Variants in MAP4K3 observed in about 807,000 individuals in gnomAD.
The protein encoded by MAP4K3 is MAPK/ERK kinase kinase kinase 3.
MAP4K3 carries 94 observed loss-of-function variants against 143.5 expected under a neutral mutation model. That is an observed-to-expected ratio of 0.65 (90% CI 0.55 to 0.78). MAP4K3 has a LOEUF of 0.78. Ranked by LOEUF, MAP4K3 falls within the 30% of genes least tolerant of loss-of-function variation. The probability of loss-of-function intolerance (pLI) is 0.00; values close to 1 mark genes in which losing one functional copy is unlikely to be tolerated. For synonymous variants in MAP4K3, 416 were observed against 347.2 expected (o/e 1.20, Z -2.20); for missense variants, 1,077 against 1,068.1 (o/e 1.01, Z -0.12).
At chr2:39,261,242 T>A (rs897443976) in intron 28 of MAP4K3, 2 of 152,240 alleles carry the variant, frequency 1.3e-5, no homozygotes, top group African/African-American at 4.8e-5. Context: ...ACAGAAAAAG[T>A]CATAAATCAA....
chr2:39,356,408 CAATAA>C, intron 2 of MAP4K3, 69 bp from the exon 3 acceptor site: 3 of 824,348 alleles, frequency 3.6e-6, no homozygotes, highest in Non-Finnish European at 6.2e-6. Context: ...TTTCAAAACA[CAATAA>C]AATAATTATA....
chr2:39,301,120 T>A (rs1682494630), intron 15 of MAP4K3, among the ~76,000 whole-genome samples: 1 of 151,662 alleles, frequency 6.6e-6, no homozygotes, highest in Non-Finnish European at 1.5e-5. Context: ...ATTTAAATAT[T>A]CCAAGACCTG....
chr2:39,331,896 T>A (rs746669676), intron 8 of MAP4K3, 21 bp downstream of exon 8: 2 of 1,461,194 alleles, frequency 1.4e-6, no homozygotes, highest in African/African-American at 2.8e-5. Flanking sequence ...AAGTATTAAA[T>A]ATCAATTAAA....
chr2:39,362,642 A>T (rs1665802590), intron 2 of MAP4K3, among the ~76,000 whole-genome samples: 1 of 152,244 alleles, frequency 6.6e-6, no homozygotes, highest in Non-Finnish European at 1.5e-5. Flanking sequence ...CTACAAATTC[A>T]ATGTAATCTG....
At chr2:39,397,478 T>C (rs527978328) in intron 1 of MAP4K3, among the ~76,000 whole-genome samples, 15 of 152,278 alleles carry the variant, frequency 9.9e-5, no homozygotes, top group East Asian at 5.8e-4. Context: ...GAAAGTAGAA[T>C]TGAATGAAGA....
chr2:39,260,247 G>A (rs1175127011), intron 29 of MAP4K3, among the ~76,000 whole-genome samples: 1 of 152,084 alleles, frequency 6.6e-6, no homozygotes, highest in African/African-American at 2.4e-5. Context: ...CCTGGTAGGT[G>A]GGACTACAGG....
chr2:39,302,995 C>T (rs3770664), intron 15 of MAP4K3: 114,732 of 166,692 alleles, frequency 0.69, 43,305 homozygotes, highest in Non-Finnish European at 0.82. Context: ...CATGGAGCAC[C>T]GGAAAAGGAA....
At chr2:39,315,005 C>T (rs1683066947) in intron 13 of MAP4K3, among the ~76,000 whole-genome samples, 1 of 152,182 alleles carries the variant, frequency 6.6e-6, no homozygotes. Flanking sequence ...CTGCATTTAA[C>T]AAGCTCTCTA....
chr2:39,269,772 T>G (rs936986381), intron 26 of MAP4K3, among the ~76,000 whole-genome samples: 2 of 152,328 alleles, frequency 1.3e-5, no homozygotes, highest in South Asian at 4.1e-4. Flanking sequence ...GTTGAAACAC[T>G]GAACGACTAC....
intron 2 of MAP4K3, among the ~76,000 whole-genome samples, chr2:39,366,198 G>A (rs1264583122): frequency 1.4e-5 from 2 of 146,678 alleles, no homozygotes; most frequent in African/African-American, 2.5e-5. Flanking sequence ...AGGAAGACCT[G>A]AGGCATCAAT....
chr2:39,414,555 T>C (rs558763025), intron 1 of MAP4K3, among the ~76,000 whole-genome samples: 3 of 152,298 alleles, frequency 2.0e-5, no homozygotes, highest in African/African-American at 7.2e-5. Context: ...TCTGTCTGCC[T>C]ACTATGCCTC....
At chr2:39,282,611 T>A in intron 21 of MAP4K3, 57 bp from the exon 22 acceptor site, 2 of 1,130,122 alleles carry the variant, frequency 1.8e-6, no homozygotes, top group East Asian at 2.4e-5. Context: ...GATATAATAA[T>A]ACTGTATTTC....
intron 1 of MAP4K3, among the ~76,000 whole-genome samples, chr2:39,431,770 C>T (rs948156275): frequency 1.3e-5 from 2 of 152,174 alleles, no homozygotes; most frequent in Admixed American, 1.3e-4. Flanking sequence ...AATGACCACA[C>T]TTTTTTGTGT....
intron 4 of MAP4K3, among the ~76,000 whole-genome samples, chr2:39,341,030 T>C (rs939314670): frequency 2.6e-5 from 4 of 152,068 alleles, no homozygotes; most frequent in Non-Finnish European, 5.9e-5. Context: ...AATTGATAAT[T>C]GTCCAGATGT....
At chr2:39,306,865 C>A (rs961386253) in intron 15 of MAP4K3, among the ~76,000 whole-genome samples, 4 of 152,236 alleles carry the variant, frequency 2.6e-5, no homozygotes, top group African/African-American at 9.6e-5. Context: ...TTCTCCTTCT[C>A]TCATCTCTAC....
chr2:39,392,641 T>A (rs1032511373), intron 1 of MAP4K3, among the ~76,000 whole-genome samples: 10 of 152,182 alleles, frequency 6.6e-5, no homozygotes, highest in African/African-American at 2.4e-4. Flanking sequence ...CCTCAAAGCT[T>A]ATGTGTTGGA....
At position 39,325,597 on chromosome 2, in the gene MAP4K3, G is replaced by C; in HGVS notation, c.839C>G (p.Ser280Cys). The change falls in exon 12 of 34, where the codon TCT becomes TGT. Residue 280 changes from serine to cysteine, a missense_variant. Coordinates refer to ENST00000263881, the MANE Select transcript of MAP4K3 (RefSeq NM_003618.4). ...HPFVTQHLTR[S>C]LAIELLDKVN... ...TTTATCCAACAGCTCGATTGCCAAA[G>C]ACCGTGTCAAATGTTGTGTTACAAA... 1 of 1,613,182 alleles carries C rather than the reference G, an allele frequency of 6.2e-7. No individual in the cohort carries two copies. Among genetic ancestry groups the C allele is most frequent in the Non-Finnish European group, 8.5e-7 (1 of 1,179,634 alleles).
chr2:39,339,711 G>A (rs1665087624), intron 4 of MAP4K3, among the ~76,000 whole-genome samples: 1 of 152,040 alleles, frequency 6.6e-6, no homozygotes, highest in African/African-American at 2.4e-5. Flanking sequence ...GAGGAAACAT[G>A]CCTCCTCTTA....
chr2:39,415,936 G>C (rs1300606163), intron 1 of MAP4K3, among the ~76,000 whole-genome samples: 3 of 93,064 alleles, frequency 3.2e-5, no homozygotes, highest in East Asian at 3.4e-4. Flanking sequence ...CTGGGCGAGA[G>C]AGCAAGGCTC....
Sources: allele counts gnomAD v4.1 joint callset (sites outside exome capture counted in the v4.1 genomes callset), GRCh38; gene constraint gnomAD v4.1.1; transcripts MANE v1.5; gene names NCBI Gene and HGNC (gene_info 2026-07-23, HGNC 2026-07-21).